The following TENM4 variants were observed in gnomAD, a reference collection of about 807,000 sequenced individuals.
The protein encoded by TENM4 is teneurin-4.
A neutral mutation model predicts 243.3 loss-of-function variants in TENM4; 82 were observed. The ratio of observed to expected loss-of-function variants is 0.34; its 90% CI spans 0.28 to 0.40. The LOEUF (loss-of-function observed/expected upper bound fraction) is 0.40. Ranked by LOEUF, TENM4 falls within the 10% of genes least tolerant of loss-of-function variation. The pLI is 1.00. For synonymous variants in TENM4, 1,412 were observed against 1,456.3 expected (o/e 0.97, Z 0.69); for missense variants, 3,138 against 3,673.3 (o/e 0.85, Z 3.77).
chr11:78,977,368 G>A (rs1476708582), intron 6 of TENM4, among the ~76,000 whole-genome samples: 2 of 152,220 alleles, frequency 1.3e-5, no homozygotes, highest in Admixed American at 1.3e-4. Context: ...GGGCTGGGTG[G>A]TGGGTCAATA....
intron 1 of TENM4, among the ~76,000 whole-genome samples, chr11:79,327,735 A>G (rs970948243): frequency 6.6e-6 from 1 of 150,694 alleles, no homozygotes; most frequent in Admixed American, 6.6e-5. Flanking sequence ...GGAAAAACAT[A>G]GTGGCGAAAA....
At chr11:78,701,291 C>T (rs1859094742) in intron 28 of TENM4, among the ~76,000 whole-genome samples, 2 of 152,182 alleles carry the variant, frequency 1.3e-5, no homozygotes. Context: ...GGATTAAGTC[C>T]ATGGTAGAGT....
intron 18 of TENM4, among the ~76,000 whole-genome samples, chr11:78,761,283 A>G (rs1181832874): frequency 6.7e-6 from 1 of 149,808 alleles, no homozygotes; most frequent in Non-Finnish European, 1.5e-5. Flanking sequence ...TCTGTTGCCC[A>G]GGCTGGAGTG....
In TENM4 at chr11:78,655,272, T is replaced by C. The variant is rs1857864239; in HGVS notation, c.*2786A>G. 1 of 152,218 alleles carries C rather than the reference T, an allele frequency of 6.6e-6. No individual in the cohort carries two copies. Among genetic ancestry groups the C allele is most frequent in the African/African-American group, 2.4e-5 (1 of 41,448 alleles). 9.4% of individuals were successfully genotyped at this position (152,218 alleles called of 1,614,324 possible). On this transcript the variant is annotated 3_prime_UTR_variant, in exon 34 of 34. Transcript: ENST00000278550. ...GCAGTGAGGCGCATAACACTGCCTG[T>C]GCCACAGCTGAGATCCTTTTTCTAA...
intron 2 of TENM4, among the ~76,000 whole-genome samples, chr11:79,220,060 T>C (rs2135236666): frequency 6.6e-6 from 1 of 152,336 alleles, no homozygotes; most frequent in South Asian, 2.1e-4. Context: ...GAAAATCTTC[T>C]GGATACCCAG....
chr11:78,758,072 C>A (rs961154061), intron 18 of TENM4, among the ~76,000 whole-genome samples: 12 of 152,260 alleles, frequency 7.9e-5, no homozygotes, highest in African/African-American at 2.4e-4. Flanking sequence ...AAGAGATAAG[C>A]AGGTAGTGTC....
chr11:79,223,171 C>T (rs754018439), intron 2 of TENM4, among the ~76,000 whole-genome samples: 15 of 152,052 alleles, frequency 9.9e-5, no homozygotes, highest in Non-Finnish European at 2.2e-4. Context: ...AAATAACAGG[C>T]TCTCATCTGA....
At chr11:78,813,865 G>A (rs149996632) in intron 13 of TENM4, among the ~76,000 whole-genome samples, 119 of 152,324 alleles carry the variant, frequency 7.8e-4, no homozygotes, top group African/African-American at 2.7e-3. Flanking sequence ...TTAGAAAGTA[G>A]CAACAGAGCA....
chr11:78,757,290 A>G (rs1162244251), intron 18 of TENM4, among the ~76,000 whole-genome samples: 3 of 152,194 alleles, frequency 2.0e-5, no homozygotes, highest in Non-Finnish European at 2.9e-5. Context: ...AAGAGATTGT[A>G]TGTATGAAGA....
At chr11:78,675,963 T>C (rs921712150) in intron 30 of TENM4, among the ~76,000 whole-genome samples, 189 bp downstream of exon 30, 8 of 152,206 alleles carry the variant, frequency 5.3e-5, no homozygotes, top group Non-Finnish European at 1.0e-4. Flanking sequence ...CCAAAGCCAG[T>C]AGTCTTTCCA....
At chr11:79,327,023 G>A (rs1213557512) in intron 1 of TENM4, among the ~76,000 whole-genome samples, 2 of 152,180 alleles carry the variant, frequency 1.3e-5, no homozygotes. Flanking sequence ...GCTGCAGAAA[G>A]AGCTCAATTA....
At chr11:79,352,919 G>A (rs989539800) in intron 1 of TENM4, among the ~76,000 whole-genome samples, 6 of 152,128 alleles carry the variant, frequency 3.9e-5, no homozygotes, top group African/African-American at 7.2e-5. Context: ...GAGGTGAGCC[G>A]GAGAAAGAGG....
chr11:79,121,569 T>C (rs1430679656), intron 4 of TENM4, among the ~76,000 whole-genome samples: 1 of 152,148 alleles, frequency 6.6e-6, no homozygotes, highest in East Asian at 1.9e-4. Flanking sequence ...ACTTCATTTC[T>C]CTCTAATTAG....
intron 4 of TENM4, among the ~76,000 whole-genome samples, chr11:79,116,144 C>T (rs573718044): frequency 1.1e-4 from 17 of 152,258 alleles, no homozygotes; most frequent in African/African-American, 3.4e-4. Context: ...TTGGTCTTAC[C>T]GTAGGTTTCT....
intron 6 of TENM4, among the ~76,000 whole-genome samples, chr11:78,998,059 G>C (rs1332905732): frequency 6.6e-6 from 1 of 152,148 alleles, no homozygotes; most frequent in Non-Finnish European, 1.5e-5. Context: ...CCTTGATCTT[G>C]GACTTCCCAG....
At chr11:78,832,058 G>T (rs1348780985) in intron 12 of TENM4, among the ~76,000 whole-genome samples, 5 of 152,232 alleles carry the variant, frequency 3.3e-5, no homozygotes, top group Admixed American at 6.5e-5. Flanking sequence ...GATAACTGAT[G>T]TTCTCAAGGT....
At chr11:79,196,125 C>G (rs1863621935) in intron 3 of TENM4, among the ~76,000 whole-genome samples, 1 of 152,164 alleles carries the variant, frequency 6.6e-6, no homozygotes, top group African/African-American at 2.4e-5. Flanking sequence ...TGAGGCATCC[C>G]CAGACATGTG....
intron 4 of TENM4, among the ~76,000 whole-genome samples, chr11:79,075,285 G>C (rs915506320): frequency 2.0e-5 from 3 of 152,212 alleles, no homozygotes; most frequent in Non-Finnish European, 4.4e-5. Flanking sequence ...AGAGACTCAA[G>C]AGCTGGAAGT....
intron 1 of TENM4, among the ~76,000 whole-genome samples, chr11:79,382,095 T>A (rs938603286): frequency 1.3e-5 from 2 of 152,212 alleles, no homozygotes; most frequent in African/African-American, 2.4e-5. Context: ...CAACACAATT[T>A]TCCGAAGGAG....
Sources: gnomAD v4.1 joint callset for allele counts (sites outside exome capture counted in the v4.1 genomes callset) on GRCh38, gnomAD v4.1.1 for gene constraint, MANE v1.5 for transcripts, NCBI Gene and HGNC (gene_info 2026-07-23, HGNC 2026-07-21) for gene names.